The following RIPOR3 variants were observed in gnomAD, a reference collection of about 807,000 sequenced individuals.
RIPOR3 encodes the protein RIPOR family member 3.
Under a neutral mutation model 114.3 loss-of-function variants are expected in RIPOR3, and 95 were observed. That is an observed-to-expected ratio of 0.83 (90% confidence interval 0.70 to 0.99). RIPOR3 has a LOEUF of 0.99. Ranked by LOEUF, RIPOR3 falls within the 50% of genes least tolerant of loss-of-function variation. The pLI is 0.00. For missense variants in RIPOR3, 1,252 were observed against 1,266.9 expected (o/e 0.99, Z 0.18); for synonymous variants, 575 against 543.8 (o/e 1.06, Z -0.80).
rs554387478 is a variant in RIPOR3 at position 50,587,198 on chromosome 20, C to A, written c.*34G>T. ...CCAGGCTGGGCAGCAGCAAAAAAAA[C>A]GATGTGAGATTTGTGCTCATCAGCC... On this transcript the variant is annotated 3_prime_UTR_variant, in exon 22 of 22. Transcript: ENST00000327979. 3.0e-4 allele frequency: 467 copies of A among 1,556,660 alleles called. 8 individuals are homozygous for A. The South Asian group carries it at 4.7e-3, about 16-fold the overall frequency.
chr20:50,687,138 C>G (rs2087054763), intron 1 of RIPOR3, among the ~76,000 whole-genome samples: 3 of 152,354 alleles, frequency 2.0e-5, no homozygotes. Flanking sequence ...CGGAAGAGGA[C>G]TAATCGGGAG....
chr20:50,592,537 A>G lies in RIPOR3; in HGVS notation c.2384T>C (p.Ile795Thr), dbSNP rs2083145403. 1 of 1,559,676 alleles carries G rather than the reference A, an allele frequency of 6.4e-7. No homozygotes were observed. Among genetic ancestry groups the G allele is most frequent in the Non-Finnish European group, 8.7e-7 (1 of 1,150,046 alleles). ...FTQLTKEVTL[I>T]EELHCAGQAK... ...CTGTCCCGCACAGTGAAGCTCCTCG[A>G]TGAGTGTCACTAGAAGACAGGAAAG... The change falls in exon 19 of 22, where the codon ATC becomes ACC. Residue 795 changes from isoleucine to threonine, a missense_variant. Ile to Thr is a moderately conservative substitution (Grantham distance 89). Coordinates refer to ENST00000327979, the MANE Select transcript of RIPOR3 (RefSeq NM_001290268.2).
chr20:50,600,690 G>A (rs568761675), intron 13 of RIPOR3, among the ~76,000 whole-genome samples: 23 of 152,258 alleles, frequency 1.5e-4, no homozygotes, highest in African/African-American at 4.8e-4. Context: ...ATCCCAGGAG[G>A]CAGAGGTTGC....
At chr20:50,671,716 G>A (rs1008436705) in intron 1 of RIPOR3, among the ~76,000 whole-genome samples, 1 of 152,136 alleles carries the variant, frequency 6.6e-6, no homozygotes, top group East Asian at 1.9e-4. Flanking sequence ...GAATGGATGG[G>A]TGGATGGGTA....
At position 50,587,250 on chromosome 20, in the gene RIPOR3, A is replaced by G; in HGVS notation, c.2835T>C (p.Val945=). ...QREVFCQEAD[V]EITIF ...GGATTTTTTAAAATATTGTGATTTC[A>G]ACATCTGCCTCCTGGCAAAAGACTT... The change falls in exon 22 of 22, where the codon GTT becomes GTC. Residue 945 remains valine (V), a synonymous_variant. Coordinates refer to ENST00000327979, the MANE Select transcript of RIPOR3 (RefSeq NM_001290268.2). 1 of 1,614,076 alleles carries G rather than the reference A, an allele frequency of 6.2e-7. No individual in the cohort carries two copies. Among genetic ancestry groups the G allele is most frequent in the African/African-American group, 1.3e-5 (1 of 75,070 alleles).
At chr20:50,648,331 TA>T (rs60117235) in intron 1 of RIPOR3, among the ~76,000 whole-genome samples, 6,806 of 136,064 alleles carry the variant, frequency 0.05, 402 homozygotes, top group African/African-American at 0.15. Flanking sequence ...GGGGCTGCTG[TA>T]AAAAAAAAAA....
At chr20:50,642,514 C>T (rs1424585456) in intron 1 of RIPOR3, among the ~76,000 whole-genome samples, 6 of 151,904 alleles carry the variant, frequency 3.9e-5, no homozygotes, top group East Asian at 1.9e-4. Context: ...ATCTGTTAAC[C>T]ACTGGTGTTT....
chr20:50,681,106 C>T (rs2086841908), intron 1 of RIPOR3, among the ~76,000 whole-genome samples: 1 of 151,390 alleles, frequency 6.6e-6, no homozygotes, highest in Non-Finnish European at 1.5e-5. Context: ...TGCCTGTAGT[C>T]CCAGCTACTT....
chr20:50,589,496 A>C (rs928261039), intron 20 of RIPOR3, among the ~76,000 whole-genome samples, 190 bp downstream of exon 20: 10 of 152,236 alleles, frequency 6.6e-5, no homozygotes, highest in African/African-American at 2.2e-4. Flanking sequence ...GAGTTTCGCC[A>C]TGTTGGCCAG....
chr20:50,653,740 A>G (rs1449943251), intron 1 of RIPOR3, among the ~76,000 whole-genome samples: 1 of 151,684 alleles, frequency 6.6e-6, no homozygotes, highest in Non-Finnish European at 1.5e-5. Context: ...ACAGGCATGC[A>G]CCACCCACTT....
At chr20:50,594,390 C>T (rs532497733) in intron 17 of RIPOR3, among the ~76,000 whole-genome samples, 163 bp downstream of exon 17, 54 of 152,164 alleles carry the variant, frequency 3.5e-4, no homozygotes, top group Non-Finnish European at 5.7e-4. Flanking sequence ...GGTGAAAGGG[C>T]GGTGACTCGC....
intron 12 of RIPOR3, among the ~76,000 whole-genome samples, 177 bp downstream of exon 12, chr20:50,604,468 T>C (rs1465462897): frequency 6.6e-6 from 1 of 152,106 alleles, no homozygotes; most frequent in South Asian, 2.1e-4. Flanking sequence ...CCAGGCTAGG[T>C]TGGAGGCTGG....
intron 3 of RIPOR3, among the ~76,000 whole-genome samples, chr20:50,618,123 C>A (rs145500166): frequency 6.4e-4 from 97 of 151,660 alleles, no homozygotes; most frequent in African/African-American, 2.3e-3. Flanking sequence ...ACAAATTAGC[C>A]GGGCGTGGTG....
intron 1 of RIPOR3, among the ~76,000 whole-genome samples, chr20:50,662,720 T>C (rs2086038316): frequency 3.7e-4 from 1 of 2,710 alleles, no homozygotes; most frequent in African/African-American, 4.5e-4. Flanking sequence ...GCCCCACCAC[T>C]CTCTGGCTGG....
chr20:50,615,317 A>G (rs943097908), intron 4 of RIPOR3, among the ~76,000 whole-genome samples: 2 of 151,910 alleles, frequency 1.3e-5, no homozygotes, highest in Non-Finnish European at 2.9e-5. Context: ...GGAGCCCAGG[A>G]GTTCAAGACC....
chr20:50,609,230 C>T (rs972146971), intron 8 of RIPOR3, 63 bp downstream of exon 8: 145 of 1,573,734 alleles, frequency 9.2e-5, no homozygotes, highest in Non-Finnish European at 1.2e-4. Context: ...ATTCCCGTGC[C>T]CCTCAGCAGA....
At chr20:50,636,384 G>A (rs978372316) in intron 1 of RIPOR3, among the ~76,000 whole-genome samples, 16 of 152,188 alleles carry the variant, frequency 1.1e-4, no homozygotes, top group African/African-American at 3.9e-4. Flanking sequence ...TGCTGGGGCT[G>A]GCATTAACCC....
At chr20:50,666,227 T>TTTTCTCTTCTCC in intron 1 of RIPOR3, among the ~76,000 whole-genome samples, 1 of 14,544 alleles carries the variant, frequency 6.9e-5, no homozygotes, top group Non-Finnish European at 2.9e-4. Flanking sequence ...CTTTTCTTTT[T>TTTTCTCTTCTCC]TGAGACGGAG....
rs1167239188 is a variant in RIPOR3, at chr20:50,602,728, C to T, written c.1087-84G>A. ...CCAGAGGGGCTTCCCCTGACAGACACCCGCTGTGCATGCCCATGTTCTCAG... is the reference window on the plus strand; with the variant it reads ...CCAGAGGGGCTTCCCCTGACAGACATCCGCTGTGCATGCCCATGTTCTCAG... On this transcript the variant is annotated intron_variant, in intron 12 of 21. Coordinates refer to ENST00000327979, the MANE Select transcript of RIPOR3 (RefSeq NM_001290268.2). This position sits in a 1 kb window ranked among gnomAD's most constrained non-coding sequence, Gnocchi z 4.3. 6 of 1,064,050 alleles carry T rather than the reference C, an allele frequency of 5.6e-6. No homozygotes were observed. Among genetic ancestry groups the T allele is most frequent in the African/African-American group, 1.6e-5 (1 of 62,002 alleles). The allele number at this position is 1,064,050 out of a possible 1,614,324, so 65.9% of individuals were successfully genotyped here.
Sources: allele counts gnomAD v4.1 joint callset (sites outside exome capture counted in the v4.1 genomes callset), GRCh38; gene constraint gnomAD v4.1.1; non-coding constraint Gnocchi (gnomAD v3.1); transcripts MANE v1.5; gene names NCBI Gene and HGNC (gene_info 2026-07-23, HGNC 2026-07-21).